The following VWC2 variants were observed in gnomAD, a reference collection of about 807,000 sequenced individuals.
VWC2 encodes the protein von Willebrand factor C domain containing 2, also known as brorin.
VWC2 carries 14 observed loss-of-function variants against 29.8 expected under a neutral mutation model. The observed-to-expected ratio is 0.47, with a 90% CI of 0.31 to 0.74. VWC2 has a LOEUF of 0.74. VWC2 is among the 30% of genes least tolerant of loss of function. The pLI is 0.05. For missense variants in VWC2, 457 were observed against 459.8 expected, an observed-to-expected ratio of 0.99 and a Z score of 0.05; for synonymous variants, 213 against 199.0, an observed-to-expected ratio of 1.07 and a Z score of -0.59.
intron 3 of VWC2, among the ~76,000 whole-genome samples, chr7:49,822,515 C>A (rs1275079139): frequency 6.6e-6 from 1 of 152,164 alleles, no homozygotes; most frequent in East Asian, 1.9e-4. Context: ...CTCACTGCAA[C>A]CTCTGCCTCC....
intron 3 of VWC2, among the ~76,000 whole-genome samples, chr7:49,907,868 A>C (rs1475848272): frequency 6.6e-6 from 1 of 152,110 alleles, no homozygotes; most frequent in Non-Finnish European, 1.5e-5. Context: ...GGTTGTGGAG[A>C]CCATAGTTTT....
intron 3 of VWC2, among the ~76,000 whole-genome samples, chr7:49,824,079 T>G (rs1200113984): frequency 6.6e-6 from 1 of 152,196 alleles, no homozygotes; most frequent in East Asian, 1.9e-4. Context: ...TAATGATATC[T>G]TTTAAGAAGA....
At chr7:49,872,720 A>G in intron 3 of VWC2, among the ~76,000 whole-genome samples, 1 of 148,822 alleles carries the variant, frequency 6.7e-6, no homozygotes, top group Non-Finnish European at 1.5e-5. Flanking sequence ...AGCCTGGCCA[A>G]CATAGTGAAA....
chr7:49,878,648 T>C (rs1183035517), intron 3 of VWC2, among the ~76,000 whole-genome samples: 1 of 152,142 alleles, frequency 6.6e-6, no homozygotes, highest in African/African-American at 2.4e-5. Context: ...TTAGTTTTTA[T>C]TTTTCCTCCT....
intron 3 of VWC2, among the ~76,000 whole-genome samples, chr7:49,849,148 C>T (rs1280176117): frequency 6.6e-6 from 1 of 152,158 alleles, no homozygotes; most frequent in Non-Finnish European, 1.5e-5. Context: ...GCAGTTCATA[C>T]CCTACAGTCC....
intron 2 of VWC2, among the ~76,000 whole-genome samples, chr7:49,786,504 A>G (rs1487730372): frequency 6.6e-6 from 1 of 152,214 alleles, no homozygotes; most frequent in Non-Finnish European, 1.5e-5. Flanking sequence ...ATACCCAGGA[A>G]TAGTATTGCT....
intron 3 of VWC2, among the ~76,000 whole-genome samples, chr7:49,909,324 T>G (rs1483074): frequency 6.6e-6 from 1 of 151,978 alleles, no homozygotes; most frequent in Non-Finnish European, 1.5e-5. Context: ...AAAAAGATGA[T>G]ACAGAAAAGA....
At position 49,783,517 on chromosome 7, in the gene VWC2, C is replaced by T. The variant is rs553375540; in HGVS notation, c.696+7386C>T. Among the ~76,000 whole-genome samples the T allele has an allele frequency of 2.6e-4, 39 of 152,302 alleles. No individual in the cohort carries two copies. The South Asian group carries it at 7.3e-3, about 28-fold the overall frequency. ...CAGGCCTACCTACCCTGTGACCATC[C>T]TTCATGGTACTTTTCTGACCACGTA... On this transcript the variant is annotated intron_variant, in intron 2 of 3. Transcript: ENST00000340652.
chr7:49,847,499 AATGTGGGTTTT>A (rs1789988236), intron 3 of VWC2, among the ~76,000 whole-genome samples: 1 of 152,080 alleles, frequency 6.6e-6, no homozygotes, highest in Non-Finnish European at 1.5e-5. Context: ...AGGGTTTGAA[AATGTGGGTTTT>A]ATTATTGGGT....
intron 3 of VWC2, among the ~76,000 whole-genome samples, chr7:49,841,192 C>A (rs2128713542): frequency 6.6e-6 from 1 of 152,190 alleles, no homozygotes; most frequent in South Asian, 2.1e-4. Flanking sequence ...ACTCAAGTAA[C>A]CAAAGCAAGA....
At chr7:49,859,063 T>C (rs690750) in intron 3 of VWC2, among the ~76,000 whole-genome samples, 152,125 of 152,366 alleles carry the variant, frequency 1, 75,942 homozygotes, top group Middle Eastern at 1. Context: ...ACATTTTGTT[T>C]TACATTGTGG....
intron 2 of VWC2, among the ~76,000 whole-genome samples, chr7:49,798,438 C>T (rs140422117): frequency 7.5e-4 from 114 of 152,326 alleles, no homozygotes; most frequent in Middle Eastern, 3.4e-3. Flanking sequence ...CTAGAACCCA[C>T]GGCTGGAGCC....
chr7:49,867,127 C>T (rs1283323026), intron 3 of VWC2, among the ~76,000 whole-genome samples: 2 of 152,150 alleles, frequency 1.3e-5, no homozygotes, highest in African/African-American at 2.4e-5. Flanking sequence ...ATGTGGGGAG[C>T]CTCTCGAGAG....
chr7:49,853,918 A>T (rs1213519522), intron 3 of VWC2, among the ~76,000 whole-genome samples: 1 of 136,564 alleles, frequency 7.3e-6, no homozygotes, highest in Non-Finnish European at 1.5e-5. Flanking sequence ...CCTGTGTCCA[A>T]ATGTTTTCAT....
intron 3 of VWC2, among the ~76,000 whole-genome samples, chr7:49,864,440 A>C (rs752703371): frequency 6.6e-6 from 1 of 152,136 alleles, no homozygotes; most frequent in African/African-American, 2.4e-5. Flanking sequence ...GGGCAAGTGC[A>C]TGGTGTTCTA....
At chr7:49,836,204 G>T (rs1418745900) in intron 3 of VWC2, among the ~76,000 whole-genome samples, 4 of 152,094 alleles carry the variant, frequency 2.6e-5, no homozygotes, top group African/African-American at 9.7e-5. Context: ...ATTCATATTT[G>T]TAAAACCAAA....
intron 3 of VWC2, among the ~76,000 whole-genome samples, chr7:49,837,886 A>T (rs1170711104): frequency 2.0e-5 from 3 of 152,212 alleles, no homozygotes; most frequent in African/African-American, 7.2e-5. Context: ...AAATCTTCCC[A>T]TTAGTCCTTA....
chr7:49,825,116 G>C (rs538230925), intron 3 of VWC2, among the ~76,000 whole-genome samples: 54 of 151,860 alleles, frequency 3.6e-4, no homozygotes, highest in Non-Finnish European at 6.6e-4. Context: ...TCTGTCTTCT[G>C]CCCTCTATAA....
chr7:49,802,874 C>T, intron 3 of VWC2, 34 bp downstream of exon 3: 1 of 1,613,496 alleles, frequency 6.2e-7, no homozygotes. Flanking sequence ...CGGGGTGCAC[C>T]TCCCACCCTG....
Sources: allele counts gnomAD v4.1 joint callset (sites outside exome capture counted in the v4.1 genomes callset), GRCh38; gene constraint gnomAD v4.1.1; transcripts MANE v1.5; gene names NCBI Gene and HGNC (gene_info 2026-07-23, HGNC 2026-07-21).